The following PAPPA2 variants were observed in gnomAD, a reference collection of about 807,000 sequenced individuals.
PAPPA2 encodes the protein pappalysin-2.
PAPPA2 carries 86 observed loss-of-function variants against 176.4 expected under a neutral mutation model. That is an observed-to-expected ratio of 0.49 (90% confidence interval 0.41 to 0.58). PAPPA2 has a LOEUF of 0.58. Among genes scored for constraint, PAPPA2 ranks in the 20% least tolerant of loss-of-function variants. The probability of loss-of-function intolerance (pLI) is 0.00; values close to 1 mark genes in which losing one functional copy is unlikely to be tolerated. For synonymous variants in PAPPA2, 809 were observed against 852.2 expected, an observed-to-expected ratio of 0.95 and a Z score of 0.88; for missense variants, 2,073 against 2,256.9, an observed-to-expected ratio of 0.92 and a Z score of 1.65.
chr1:176,763,356 G>C (rs1663784204), intron 14 of PAPPA2, among the ~76,000 whole-genome samples: 1 of 152,206 alleles, frequency 6.6e-6, no homozygotes, highest in East Asian at 1.9e-4. Flanking sequence ...CTGGTACTCA[G>C]ATCGAGGCCT....
At chr1:176,765,122 T>C (rs920187284) in intron 14 of PAPPA2, among the ~76,000 whole-genome samples, 1 of 152,236 alleles carries the variant, frequency 6.6e-6, no homozygotes, top group African/African-American at 2.4e-5. Context: ...GCTTTAGCAG[T>C]TGTGAAAATA....
chr1:176,836,111 A>G (rs938133317), intron 21 of PAPPA2, among the ~76,000 whole-genome samples: 5 of 152,162 alleles, frequency 3.3e-5, no homozygotes, highest in African/African-American at 9.7e-5. Context: ...GAGAACTTCT[A>G]TTTGCTGCAA....
At chr1:176,524,390 A>G (rs1473868271) in intron 1 of PAPPA2, among the ~76,000 whole-genome samples, 1 of 152,240 alleles carries the variant, frequency 6.6e-6, no homozygotes, top group East Asian at 1.9e-4. Flanking sequence ...AAAGAGAGCT[A>G]TATGAGTAGC....
At chr1:176,721,503 A>G (rs1661617848) in intron 12 of PAPPA2, among the ~76,000 whole-genome samples, 2 of 152,098 alleles carry the variant, frequency 1.3e-5, no homozygotes, top group South Asian at 4.1e-4. Context: ...TGGCTAAAAT[A>G]TTTTCATTTG....
At chr1:176,632,229 A>G (rs12134567) in intron 3 of PAPPA2, among the ~76,000 whole-genome samples, 9,751 of 145,512 alleles carry the variant, frequency 0.067, 348 homozygotes, top group South Asian at 0.15. Flanking sequence ...ATTAGTAGTG[A>G]TGTGTGTGTG....
At chr1:176,711,463 AG>A (rs1301263228) in intron 11 of PAPPA2, among the ~76,000 whole-genome samples, 1 of 152,128 alleles carries the variant, frequency 6.6e-6, no homozygotes, top group African/African-American at 2.4e-5. Flanking sequence ...TCCCTAACTC[AG>A]TAGCCTCACT....
chr1:176,571,574 C>T (rs1199623230), intron 2 of PAPPA2, among the ~76,000 whole-genome samples: 3 of 152,216 alleles, frequency 2.0e-5, no homozygotes, highest in Admixed American at 6.5e-5. Flanking sequence ...TCCAAAGATG[C>T]TGCCATCCAA....
chr1:176,733,827 G>A (rs1662272984), intron 12 of PAPPA2, among the ~76,000 whole-genome samples: 1 of 152,054 alleles, frequency 6.6e-6, no homozygotes, highest in Admixed American at 6.6e-5. Context: ...AGGAGTGAAA[G>A]AACTAGCATT....
At chr1:176,490,897 T>G (rs1439650590) in intron 1 of PAPPA2, among the ~76,000 whole-genome samples, 3 of 152,182 alleles carry the variant, frequency 2.0e-5, no homozygotes, top group African/African-American at 7.2e-5. Context: ...TTTGTTACCA[T>G]GCATCCCAGT....
chr1:176,486,986 T>A (rs1251341402), intron 1 of PAPPA2, among the ~76,000 whole-genome samples: 2 of 150,126 alleles, frequency 1.3e-5, no homozygotes, highest in East Asian at 3.9e-4. Context: ...CTGGAAAAAC[T>A]GTGAAGTATG....
intron 21 of PAPPA2, among the ~76,000 whole-genome samples, chr1:176,821,145 T>C (rs886717777): frequency 1.3e-5 from 2 of 152,208 alleles, no homozygotes; most frequent in Non-Finnish European, 2.9e-5. Flanking sequence ...CAGTGAAAAT[T>C]ATATTTTCTG....
At chr1:176,470,869 ATT>A (rs10711737) in intron 1 of PAPPA2, among the ~76,000 whole-genome samples, 4 of 151,176 alleles carry the variant, frequency 2.6e-5, no homozygotes, top group South Asian at 4.2e-4. Flanking sequence ...GGGTCAGTGG[ATT>A]TTTTTTTTTA....
rs758121695 is a variant in PAPPA2, at chr1:176,690,300, G to A, written c.2301G>A (p.Thr767=). The A allele has an allele frequency of 8.1e-6, 13 of 1,613,988 alleles. No individual in the cohort carries two copies. Among genetic ancestry groups the A allele is most frequent in the South Asian group, 2.2e-5 (2 of 91,072 alleles). ...AGGAGACAGTGCCATCCATGGAAAC[G>A]GGAGACCTCTGTGCCGACACCGCCC... ...PCKETVPSME[T]GDLCADTAPT... The change falls in exon 5 of 23, where the codon ACG becomes ACA. Residue 767 remains threonine, a synonymous_variant. Coordinates refer to ENST00000367662, the MANE Select transcript of PAPPA2 (RefSeq NM_020318.3).
chr1:176,486,076 C>G (rs1312599378), intron 1 of PAPPA2, among the ~76,000 whole-genome samples: 1 of 152,208 alleles, frequency 6.6e-6, no homozygotes, highest in African/African-American at 2.4e-5. Context: ...CTTGGTGTGA[C>G]TCCCTGTCTC....
chr1:176,736,672 G>A (rs950376853), intron 12 of PAPPA2, among the ~76,000 whole-genome samples: 4 of 150,130 alleles, frequency 2.7e-5, no homozygotes, highest in Non-Finnish European at 5.9e-5. Context: ...TAATCTGAAA[G>A]GATTTCTAAA....
chr1:176,713,337 A>G (rs1211539713), intron 12 of PAPPA2, among the ~76,000 whole-genome samples: 4 of 152,044 alleles, frequency 2.6e-5, no homozygotes, highest in Non-Finnish European at 4.4e-5. Flanking sequence ...TAAATGTTAT[A>G]TAGAGATGGA....
intron 17 of PAPPA2, among the ~76,000 whole-genome samples, chr1:176,781,650 G>C (rs1557867631): frequency 6.6e-6 from 1 of 152,168 alleles, no homozygotes; most frequent in East Asian, 1.9e-4. Context: ...TGATGGTTCT[G>C]TTTGGGGCTA....
chr1:176,539,954 C>T (rs774787455), intron 1 of PAPPA2, among the ~76,000 whole-genome samples: 1 of 152,202 alleles, frequency 6.6e-6, no homozygotes, highest in Non-Finnish European at 1.5e-5. Context: ...TTTTCATTGT[C>T]TCTTGGAAAG....
intron 1 of PAPPA2, among the ~76,000 whole-genome samples, chr1:176,546,161 T>C (rs1650623853): frequency 6.6e-6 from 1 of 152,242 alleles, no homozygotes; most frequent in Admixed American, 6.5e-5. Context: ...CTCTCCTTTG[T>C]CTAGGGCTGC....
Sources: allele counts gnomAD v4.1 joint callset (sites outside exome capture counted in the v4.1 genomes callset), GRCh38; gene constraint gnomAD v4.1.1; transcripts MANE v1.5; gene names NCBI Gene and HGNC (gene_info 2026-07-23, HGNC 2026-07-21).